Variants in EPCIP observed in about 807,000 individuals in gnomAD.
EPCIP encodes exosomal polycystin 1 interacting protein, also known as exosomal polycystin-1-interacting protein.
chr21:32,801,678 T>C, the EPCIP span, among the ~76,000 whole-genome samples: 2 of 152,034 alleles, frequency 1.3e-5, no homozygotes, highest in Non-Finnish European at 2.9e-5. Context: ...CTGTCTCTAC[T>C]GAAAATACAA....
chr21:32,808,561 C>T, the EPCIP span, among the ~76,000 whole-genome samples: 1 of 152,114 alleles, frequency 6.6e-6, no homozygotes, highest in African/African-American at 2.4e-5. Context: ...AACCAATGAA[C>T]ATTTAAACCT....
chr21:32,791,908 C>CT, the EPCIP span, among the ~76,000 whole-genome samples: 400 of 143,148 alleles, frequency 2.8e-3, 2 homozygotes, highest in African/African-American at 5.6e-3. Context: ...TTTTTCTTTT[C>CT]TTTTTTTTTT....
chr21:32,800,379 AG>A, the EPCIP span, among the ~76,000 whole-genome samples: 1 of 152,252 alleles, frequency 6.6e-6, no homozygotes, highest in African/African-American at 2.4e-5. Flanking sequence ...GCTAGTTGCT[AG>A]TATTGTTCTT....
At chr21:32,804,277 A>T in the EPCIP span, among the ~76,000 whole-genome samples, 1 of 146,636 alleles carries the variant, frequency 6.8e-6, no homozygotes, top group African/African-American at 2.5e-5. Context: ...GCATGTGATT[A>T]TATATATATA....
the EPCIP span, among the ~76,000 whole-genome samples, chr21:32,803,519 GC>G: frequency 1.3e-5 from 2 of 152,168 alleles, no homozygotes; most frequent in African/African-American, 4.8e-5. Context: ...CAGTGTGAGG[GC>G]TTTAGCTGTA....
the EPCIP span, among the ~76,000 whole-genome samples, chr21:32,802,345 C>G: frequency 6.6e-6 from 1 of 152,142 alleles, no homozygotes; most frequent in Non-Finnish European, 1.5e-5. Context: ...TTCAGCTCTA[C>G]CCCACTAGCT....
At chr21:32,801,554 A>T in the EPCIP span, among the ~76,000 whole-genome samples, 1 of 152,228 alleles carries the variant, frequency 6.6e-6, no homozygotes, top group African/African-American at 2.4e-5. Context: ...AAAGATGCAG[A>T]TGGAGGCCAG....
chr21:32,804,275 T>TTATATATATATATATA, the EPCIP span, among the ~76,000 whole-genome samples: 32 of 140,962 alleles, frequency 2.3e-4, no homozygotes, highest in African/African-American at 3.4e-4. Flanking sequence ...ATGCATGTGA[T>TTATATATATATATATA]TATATATATA....
chr21:32,793,928 A>G, the EPCIP span: 9 of 1,614,238 alleles, frequency 5.6e-6, no homozygotes, highest in African/African-American at 1.3e-5. Flanking sequence ...TGAGATATAC[A>G]TACATGGCTG....
the EPCIP span, chr21:32,798,004 C>T: frequency 1.3e-5 from 2 of 152,042 alleles, no homozygotes; most frequent in Non-Finnish European, 2.9e-5. Context: ...AGCAACCTCT[C>T]AAGAAAAAAT....
the EPCIP span, among the ~76,000 whole-genome samples, chr21:32,795,811 A>G: frequency 6.6e-6 from 1 of 152,244 alleles, no homozygotes; most frequent in Non-Finnish European, 1.5e-5. Context: ...CAGGAGGCAC[A>G]AGCCACAACC....
chr21:32,807,090 G>A, the EPCIP span, among the ~76,000 whole-genome samples: 1 of 152,128 alleles, frequency 6.6e-6, no homozygotes, highest in Admixed American at 6.5e-5. Flanking sequence ...CTCCCACTGG[G>A]TCCCTCCCAC....
chr21:32,793,835 A>G, the EPCIP span: 1 of 1,614,178 alleles, frequency 6.2e-7, no homozygotes, highest in South Asian at 1.1e-5. Flanking sequence ...AAAGTCAGGA[A>G]AGTTGTTGGC....
At chr21:32,794,220 G>T in the EPCIP span, 1 of 1,614,268 alleles carries the variant, frequency 6.2e-7, no homozygotes, top group Non-Finnish European at 8.5e-7. Context: ...ACTGCAAGGG[G>T]CAGGACGGTT....
chr21:32,796,551 A>G, the EPCIP span, among the ~76,000 whole-genome samples: 1 of 152,218 alleles, frequency 6.6e-6, no homozygotes, highest in Non-Finnish European at 1.5e-5. Context: ...AAGTTGGCAC[A>G]GGATTTTCTT....
At chr21:32,808,037 A>G in the EPCIP span, among the ~76,000 whole-genome samples, 1 of 152,242 alleles carries the variant, frequency 6.6e-6, no homozygotes, top group Non-Finnish European at 1.5e-5. Context: ...CGAGGGGCGA[A>G]GGAAAACATG....
At chr21:32,794,299 C>T in the EPCIP span, 1 of 1,614,240 alleles carries the variant, frequency 6.2e-7, no homozygotes, top group East Asian at 2.2e-5. Flanking sequence ...AGCTGCAGTT[C>T]CGAATGGTGT....
the EPCIP span, among the ~76,000 whole-genome samples, chr21:32,809,709 C>T: frequency 1.3e-5 from 2 of 152,036 alleles, no homozygotes; most frequent in African/African-American, 4.8e-5. Context: ...TCGCCTCATG[C>T]TGGGTATGTT....
the EPCIP span, among the ~76,000 whole-genome samples, chr21:32,810,244 ATCTTTTTTTT>A: frequency 9.9e-5 from 8 of 80,636 alleles, no homozygotes; most frequent in Admixed American, 2.9e-4. Context: ...CTGGCATTTG[ATCTTTTTTTT>A]TTTTTTTTTT....
Sources: allele counts gnomAD v4.1 joint callset (sites outside exome capture counted in the v4.1 genomes callset), GRCh38; gene constraint gnomAD v4.1.1; transcripts MANE v1.5; gene names NCBI Gene and HGNC (gene_info 2026-07-23, HGNC 2026-07-21).